RFX2: variants seen among roughly 807,000 people sequenced by gnomAD.
RFX2 encodes DNA-binding protein RFX2.
Under a neutral mutation model 87.8 loss-of-function variants are expected in RFX2, and 20 were observed. That is an observed-to-expected ratio of 0.23 (90% CI 0.16 to 0.33). The LOEUF (loss-of-function observed/expected upper bound fraction) is 0.33, where lower values mean the gene tolerates loss of function less well. Among genes scored for constraint, RFX2 ranks in the 10% least tolerant of loss-of-function variants. The pLI is 1.00. For synonymous variants in RFX2, 397 were observed against 431.3 expected (o/e 0.92, Z 0.98); for missense variants, 767 against 1,012.3 (o/e 0.76, Z 3.29).
chr19:6,073,171 G>A, intron 1 of RFX2: 1 of 462,648 alleles, frequency 2.2e-6, no homozygotes, highest in South Asian at 2.0e-5. Flanking sequence ...TTAGAGACGG[G>A]GTTTCACCAT....
rs184811655 is a variant in RFX2, at chr19:6,027,680, G to T, written c.523-1443C>A. Among the ~76,000 whole-genome samples, 2 of 152,242 alleles carry T rather than the reference G, an allele frequency of 1.3e-5. No homozygotes were observed. The highest frequency in any genetic ancestry group is 4.8e-5 in the African/African-American group (2 of 41,504). On this transcript the variant is annotated intron_variant, in intron 5 of 17. Coordinates refer to ENST00000303657, the MANE Select transcript of RFX2 (RefSeq NM_000635.4). This position sits in a 1 kb window ranked among gnomAD's most constrained non-coding sequence, Gnocchi z 5.0. ...AAACACTGTCTCTCCAACATAGTGG[G>T]TCTCAATCATTTGGTCTATTAAAAA...
chr19:6,022,820 C>A lies in RFX2; in HGVS notation c.597+3343G>T, dbSNP rs886131931. Among the ~76,000 whole-genome samples the A allele has an allele frequency of 2.6e-5, 4 of 152,222 alleles. No homozygotes were observed. The highest frequency in any genetic ancestry group is 6.5e-5 in the Admixed American group (1 of 15,294). ...GCCCTGCAGACCCCCTGGGTCCAAG[C>A]CCCTAGAGGGGAGGCCTGGGAAGCT... is the stretch of plus-strand genomic sequence containing the variant. On this transcript the variant is annotated intron_variant, in intron 6 of 17. Coordinates refer to ENST00000303657, the MANE Select transcript of RFX2 (RefSeq NM_000635.4). This position sits in a 1 kb window ranked among gnomAD's most constrained non-coding sequence, Gnocchi z 6.2.
At chr19:6,087,901 G>C (rs1326314122) in intron 1 of RFX2, among the ~76,000 whole-genome samples, 1 of 152,190 alleles carries the variant, frequency 6.6e-6, no homozygotes, top group African/African-American at 2.4e-5. Flanking sequence ...CACATGGGCA[G>C]TTTCTCCCCA....
At chr19:6,057,655 C>A (rs180882224) in intron 1 of RFX2, among the ~76,000 whole-genome samples, 1 of 152,320 alleles carries the variant, frequency 6.6e-6, no homozygotes, top group African/African-American at 2.4e-5. Flanking sequence ...ATCAGCTCCT[C>A]CTCTCCTGGT....
At chr19:6,086,561 T>C (rs931742427) in intron 1 of RFX2, among the ~76,000 whole-genome samples, 2 of 152,222 alleles carry the variant, frequency 1.3e-5, no homozygotes, top group African/African-American at 4.8e-5. Flanking sequence ...TTGACGGAAA[T>C]GTTATGCATG....
chr19:6,090,580 A>G (rs1599925224), intron 1 of RFX2, among the ~76,000 whole-genome samples: 1 of 151,980 alleles, frequency 6.6e-6, no homozygotes, highest in African/African-American at 2.4e-5. Flanking sequence ...TGGAGCCCTC[A>G]CTCCCTGCCG....
intron 12 of RFX2, among the ~76,000 whole-genome samples, chr19:6,006,318 C>A (rs768948998): frequency 1.3e-5 from 2 of 151,982 alleles, no homozygotes; most frequent in Non-Finnish European, 2.9e-5. Flanking sequence ...CAACACCACA[C>A]CAGCTAATTT....
In RFX2 at chr19:6,002,277, T is replaced by C. The variant is rs10416286; in HGVS notation, c.1651-254A>G. On this transcript the variant is annotated intron_variant, in intron 14 of 17. Coordinates refer to ENST00000303657, the MANE Select transcript of RFX2 (RefSeq NM_000635.4). This position sits in a 1 kb window ranked among gnomAD's most constrained non-coding sequence, Gnocchi z 6.7. ...CAAAGCTCATGCTATATGAGGTCTT[T>C]GTTTAGCTTTGTTTCAAAGGGGTCA... Among the ~76,000 whole-genome samples, 5,092 of 152,364 alleles carry C rather than the reference T, an allele frequency of 0.033. 205 individuals are homozygous for C. Among genetic ancestry groups the C allele is most frequent in the Middle Eastern group, 0.12 (34 of 294 alleles).
chr19:6,106,848 T>C (rs909338388), intron 1 of RFX2, among the ~76,000 whole-genome samples: 63 of 148,058 alleles, frequency 4.3e-4, no homozygotes, highest in African/African-American at 1.4e-3. Context: ...GTATATATTA[T>C]ATATACATGT....
intron 16 of RFX2, 135 bp downstream of exon 16, chr19:5,996,925 A>T (rs1041500666): frequency 3.3e-6 from 3 of 902,396 alleles, no homozygotes; most frequent in East Asian, 2.8e-5. Context: ...CTTGTTCTTT[A>T]TCGAGCTGCA....
intron 1 of RFX2, among the ~76,000 whole-genome samples, chr19:6,105,927 GA>G (rs1245783566): frequency 2.6e-5 from 4 of 152,134 alleles, no homozygotes; most frequent in Non-Finnish European, 5.9e-5. Context: ...GTGCCTGTCA[GA>G]ATCCACCTGG....
rs2088133485 is a variant in RFX2, at chr19:6,101,929, T to C, written c.-9+8464A>G. Among the ~76,000 whole-genome samples, 1 of 152,202 alleles carries C rather than the reference T, an allele frequency of 6.6e-6. No homozygotes were observed. The highest frequency in any genetic ancestry group is 1.5e-5 in the Non-Finnish European group (1 of 68,040). ...GAATGGGGAAACACAATGTGGCATA[T>C]CCATGCAATGGAATATTCTTTAGCC... On this transcript the variant is annotated intron_variant, in intron 1 of 17. Coordinates refer to ENST00000303657, the MANE Select transcript of RFX2 (RefSeq NM_000635.4). The surrounding 1 kb of genome is among the most constrained non-coding windows in gnomAD (Gnocchi z 4.9).
At chr19:6,049,648 T>C (rs2087242871) in intron 1 of RFX2, among the ~76,000 whole-genome samples, 2 of 152,158 alleles carry the variant, frequency 1.3e-5, no homozygotes, top group African/African-American at 4.8e-5. Context: ...CCCACCTCAG[T>C]CCCCTGAATA....
Position 5,999,296 on chromosome 19 carries a change from G to A in RFX2, c.1860-2083C>T, listed in dbSNP as rs1279377100. 2.0e-5 allele frequency among the ~76,000 whole-genome samples: 3 copies of A among 151,996 alleles called. No individual in the cohort carries two copies. The highest frequency in any genetic ancestry group is 2.9e-5 in the Non-Finnish European group (2 of 68,000). ...AGAGAATGAAGTGGAACAGTGTCTC[G>A]GTCTCCCTTGTGAAGAGCACCCCCA... is the stretch of plus-strand genomic sequence containing the variant. On this transcript the variant is annotated intron_variant, in intron 15 of 17. Coordinates refer to ENST00000303657, the MANE Select transcript of RFX2 (RefSeq NM_000635.4). This position sits in a 1 kb window ranked among gnomAD's most constrained non-coding sequence, Gnocchi z 4.1.
chr19:6,096,023 C>T (rs982924973), intron 1 of RFX2, among the ~76,000 whole-genome samples: 3 of 152,124 alleles, frequency 2.0e-5, no homozygotes, highest in African/African-American at 7.2e-5. Flanking sequence ...AGATAGTGAC[C>T]ATCTGGGCCT....
chr19:6,058,125 C>T lies in RFX2; in HGVS notation c.-8-10621G>A, dbSNP rs542875689. On this transcript the variant is annotated intron_variant, in intron 1 of 17. Coordinates refer to ENST00000303657, the MANE Select transcript of RFX2 (RefSeq NM_000635.4). The stretch of plus-strand genomic sequence containing the variant: ...CTGCCCTGATAATCACCAAAGATGA[C>T]AGTGTGTGTCCCCACTTGGCACTGT... 4.0e-4 allele frequency among the ~76,000 whole-genome samples: 61 copies of T among 152,312 alleles called. No homozygotes were observed. In the South Asian group the frequency reaches 6.0e-3, roughly 15 times the overall value.
rs1305938975 is a variant in RFX2 at position 6,018,958 on chromosome 19, A to G, written c.598-2687T>C. Among the ~76,000 whole-genome samples, 5 of 152,218 alleles carry G rather than the reference A, an allele frequency of 3.3e-5. No homozygotes were observed. In the East Asian group the frequency reaches 7.7e-4, roughly 24 times the overall value. On this transcript the variant is annotated intron_variant, in intron 6 of 17. Coordinates refer to ENST00000303657, the MANE Select transcript of RFX2 (RefSeq NM_000635.4). Reference sequence around the variant, plus strand: ...CGCCCCTGAATCACTCAAGTAGCCTATCACCTCCTCCTCAGCACCAGGGAC... The same window carrying G: ...CGCCCCTGAATCACTCAAGTAGCCTGTCACCTCCTCCTCAGCACCAGGGAC...
rs200411386 is a variant in RFX2 at position 6,001,873 on chromosome 19, C to T, written c.1801G>A (p.Gly601Ser). The T allele has an allele frequency of 1.8e-4, 288 of 1,613,086 alleles. No individual in the cohort carries two copies. The highest frequency in any genetic ancestry group is 2.5e-4 in the Admixed American group (15 of 59,988). ...GCGGCCTTGGGGAAGCTGGGGCTGC[C>T]GGCATGCTGCTTCAGGACCTGGGTG... ...VVTQVLKQHA[G>S]SPSFPKAARQ... The change falls in exon 15 of 18, where the codon GGC (glycine) becomes AGC (serine). Residue 601 changes from glycine to serine, a missense_variant. Around this residue, in one of 2 missense-constraint regions of RFX2, gnomAD observed 621 missense variants for 873.0 expected, o/e 0.71. Coordinates refer to ENST00000303657, the MANE Select transcript of RFX2 (RefSeq NM_000635.4). The surrounding 1 kb of genome is among the most constrained non-coding windows in gnomAD (Gnocchi z 5.6).
intron 5 of RFX2, among the ~76,000 whole-genome samples, chr19:6,035,850 G>GGTGTGTGTGTGTGT (rs34008943): frequency 9.5e-5 from 13 of 137,166 alleles, no homozygotes; most frequent in African/African-American, 3.9e-4. Flanking sequence ...CTTGGTGGGG[G>GGTGTGTGTGTGTGT]GTGTGTGTGT....
Sources: gnomAD v4.1 joint callset for allele counts (sites outside exome capture counted in the v4.1 genomes callset) on GRCh38, gnomAD v4.1.1 for gene constraint, gnomAD v4.1.1 regional missense constraint, Gnocchi (gnomAD v3.1) non-coding constraint, MANE v1.5 for transcripts, NCBI Gene and HGNC (gene_info 2026-07-23, HGNC 2026-07-21) for gene names.